Variants in PEG3 observed in about 807,000 individuals in gnomAD.
The protein encoded by PEG3 is paternally expressed 3, also known as paternally-expressed gene 3 protein.
Under a neutral mutation model 35.5 loss-of-function variants are expected in PEG3, and 23 were observed. The ratio of observed to expected loss-of-function variants is 0.65; its 90% CI spans 0.47 to 0.92. The LOEUF (loss-of-function observed/expected upper bound fraction) is 0.92. Among genes scored for constraint, PEG3 ranks in the 40% least tolerant of loss-of-function variants. The pLI is 0.00. For missense variants in PEG3, 1,960 were observed against 1,985.3 expected (o/e 0.99, Z 0.24); for synonymous variants, 707 against 697.0 (o/e 1.01, Z -0.23).
At chr19:56,828,199 C>T (rs1311566533) in intron 2 of PEG3, among the ~76,000 whole-genome samples, 7 of 152,072 alleles carry the variant, frequency 4.6e-5, no homozygotes. Context: ...TCACCATCCA[C>T]AGCTTGAATC....
At chr19:56,837,944 G>A (rs934926768) in intron 1 of PEG3, among the ~76,000 whole-genome samples, 5 of 152,198 alleles carry the variant, frequency 3.3e-5, no homozygotes, top group Non-Finnish European at 7.3e-5. Context: ...TTGAATGCCG[G>A]CTGCTCTATC....
intron 1 of PEG3, 24 bp from the exon 2 acceptor site, chr19:56,836,128 G>A (rs908063334): frequency 2.2e-6 from 1 of 456,150 alleles, no homozygotes; most frequent in Non-Finnish European, 4.4e-6. Context: ...GAAAATGTGA[G>A]ACGCCAAGTT....
chr19:56,818,161 C>G (rs2060153431), intron 8 of PEG3, among the ~76,000 whole-genome samples: 1 of 152,158 alleles, frequency 6.6e-6, no homozygotes, highest in Non-Finnish European at 1.5e-5. Flanking sequence ...TTCCTCTTAC[C>G]TCGCGACTGC....
rs920045936 is a variant in PEG3 at position 56,811,212 on chromosome 19, T to C, written c.*2463A>G. On this transcript the variant is annotated 3_prime_UTR_variant, in exon 10 of 10. Coordinates refer to ENST00000326441, the MANE Select transcript of PEG3 (RefSeq NM_006210.3). ...TTAGTAACACTACCATAAAGAACAT[T>C]CAAGAAATTTAAGAAAATAATGCTC... is the stretch of plus-strand genomic sequence containing the variant. The C allele has an allele frequency of 6.7e-5, 65 of 969,940 alleles. No individual in the cohort carries two copies. Among genetic ancestry groups the C allele is most frequent in the Admixed American group, 6.2e-5 (1 of 16,224 alleles). 60.1% of individuals were successfully genotyped at this position (969,940 alleles called of 1,614,324 possible). A position where few individuals can be genotyped will look rare whatever the true frequency, so the allele number is the denominator to read the frequency against.
At position 56,816,123 on chromosome 19, in the gene PEG3, T is replaced by C; in HGVS notation, c.2319A>G (p.Ser773=). The part of the protein sequence containing the change: ...PTKENVYEAK[S]YERSVIHSLA... ...AGCTATGAATAACAGACCTCTCATA[T>C]GATTTTGCCTCATAGACATTTTCCT... is the stretch of plus-strand genomic sequence containing the variant. The change falls in exon 10 of 10, where the codon TCA becomes TCG. Residue 773 remains serine, a synonymous_variant. Coordinates refer to ENST00000326441, the MANE Select transcript of PEG3 (RefSeq NM_006210.3). 1 of 1,613,268 alleles carries C rather than the reference T, an allele frequency of 6.2e-7. No individual in the cohort carries two copies. The highest frequency in any genetic ancestry group is 8.5e-7 in the Non-Finnish European group (1 of 1,179,490).
chr19:56,825,263 A>G (rs1380718988), intron 3 of PEG3, among the ~76,000 whole-genome samples: 3 of 152,242 alleles, frequency 2.0e-5, no homozygotes, highest in Non-Finnish European at 2.9e-5. Context: ...AGTATACAAC[A>G]TGTAAAAAAT....
At chr19:56,818,511 T>C in intron 8 of PEG3, 89 bp downstream of exon 8, 1 of 1,344,132 alleles carries the variant, frequency 7.4e-7, no homozygotes, top group Non-Finnish European at 1.1e-6. Flanking sequence ...TATATTAATG[T>C]GGACTCTAAC....
intron 2 of PEG3, chr19:56,833,268 C>G (rs2061752486): frequency 2.2e-6 from 1 of 459,906 alleles, no homozygotes; most frequent in Non-Finnish European, 4.4e-6. Context: ...CTAGATTCAG[C>G]CCCCTAACTC....
At chr19:56,837,158 A>T in intron 1 of PEG3, among the ~76,000 whole-genome samples, 1 of 152,208 alleles carries the variant, frequency 6.6e-6, no homozygotes, top group African/African-American at 2.4e-5. Context: ...GGCCACACCC[A>T]AACGAACTAA....
In PEG3 at chr19:56,811,734, A is replaced by C. The variant is rs906216540; in HGVS notation, c.*1941T>G. ...CTCAGCTTTCCCGATGTCCGTTCCAACCTCAGTCCTTCCTATGCAGCCAGC... is the reference window on the plus strand; with the variant it reads ...CTCAGCTTTCCCGATGTCCGTTCCACCCTCAGTCCTTCCTATGCAGCCAGC... On this transcript the variant is annotated 3_prime_UTR_variant, in exon 10 of 10. Transcript: ENST00000326441. The C allele has an allele frequency of 1.3e-5, 13 of 985,224 alleles. No homozygotes were observed. In the African/African-American group the frequency reaches 2.3e-4, roughly 17 times the overall value. The allele number at this position is 985,224 out of a possible 1,614,324, so 61.0% of individuals were successfully genotyped here.
chr19:56,821,394 A>G (rs910308658), intron 7 of PEG3, among the ~76,000 whole-genome samples: 1 of 152,136 alleles, frequency 6.6e-6, no homozygotes, highest in Non-Finnish European at 1.5e-5. Context: ...GGAACGGCCA[A>G]TGTGACCAAC....
At chr19:56,834,926 A>C (rs1254945149) in intron 2 of PEG3, among the ~76,000 whole-genome samples, 1 of 152,238 alleles carries the variant, frequency 6.6e-6, no homozygotes, top group Non-Finnish European at 1.5e-5. Context: ...GATCAGGCCC[A>C]GTATCAATGC....
intron 2 of PEG3, chr19:56,833,188 G>A (rs1401721943): frequency 1.9e-6 from 1 of 516,440 alleles, no homozygotes; most frequent in Non-Finnish European, 3.9e-6. Flanking sequence ...ATCTGATGCA[G>A]GAGAAAATCC....
chr19:56,839,241 C>T (rs1359327477), intron 1 of PEG3, among the ~76,000 whole-genome samples: 4 of 149,436 alleles, frequency 2.7e-5, no homozygotes, highest in Non-Finnish European at 6.0e-5. Context: ...AGCACCTGCG[C>T]AGCAAACTCC....
In PEG3 at chr19:56,817,178, T is replaced by A. The variant is rs2060055681; in HGVS notation, c.1264A>T (p.Met422Leu). The change falls in exon 10 of 10, where the codon ATG (methionine) becomes TTG (leucine). Residue 422 changes from methionine to leucine, a missense_variant. Coordinates refer to ENST00000326441, the MANE Select transcript of PEG3 (RefSeq NM_006210.3). The part of the protein sequence containing the change: ...RKKPFECGSE[M>L]RKAMSVSSLS... ...CTGCTCACGCTCATGGCTTTTCTCA[T>A]CTCACTACCACATTCAAAGGGCTTC... is the stretch of plus-strand genomic sequence containing the variant. 1 of 1,614,096 alleles carries A rather than the reference T, an allele frequency of 6.2e-7. No homozygotes were observed. Among genetic ancestry groups the A allele is most frequent in the Non-Finnish European group, 8.5e-7 (1 of 1,180,034 alleles).
rs772988435 is a variant in PEG3 at position 56,813,149 on chromosome 19, A to G, written c.*526T>C. ...AAATAATGCACAATAAATCTTTCTC[A>G]GGATCTAAGACACTTAAAAATATAA... On this transcript the variant is annotated 3_prime_UTR_variant, in exon 10 of 10. Transcript: ENST00000326441. 6.5e-5 allele frequency: 64 copies of G among 982,314 alleles called. No homozygotes were observed. Among genetic ancestry groups the G allele is most frequent in the Non-Finnish European group, 7.5e-5 (62 of 827,164 alleles). 60.8% of individuals were successfully genotyped at this position (982,314 alleles called of 1,614,324 possible). A position where few individuals can be genotyped will look rare whatever the true frequency, so the allele number is the denominator to read the frequency against.
chr19:56,810,104 T>C lies in PEG3; in HGVS notation c.*3571A>G. 1.1e-6 allele frequency: 1 copy of C among 923,690 alleles called. No homozygotes were observed. The highest frequency in any genetic ancestry group is 1.3e-6 in the Non-Finnish European group (1 of 773,650). 57.2% of individuals were successfully genotyped at this position (923,690 alleles called of 1,614,324 possible). ...ATATTTATTTTTAACTTTATTTTTA[T>C]TGTTGACACTATTACAGATAGAATG... On this transcript the variant is annotated 3_prime_UTR_variant, in exon 10 of 10. Coordinates refer to ENST00000326441, the MANE Select transcript of PEG3 (RefSeq NM_006210.3).
In PEG3 at chr19:56,813,948, A is replaced by T; in HGVS notation, c.4494T>A (p.Ile1498=). The T allele has an allele frequency of 6.2e-7, 1 of 1,614,092 alleles. No individual in the cohort carries two copies. Among genetic ancestry groups the T allele is most frequent in the Non-Finnish European group, 8.5e-7 (1 of 1,179,992 alleles). Residue 1498 remains isoleucine (I), a synonymous_variant, in exon 10 of 10, where the codon ATT becomes ATA. Coordinates refer to ENST00000326441, the MANE Select transcript of PEG3 (RefSeq NM_006210.3). ...EDPEEGEDQE[I]QVEEPYYDCH... Reference sequence around the variant, plus strand: ...AGTCATAGTATGGTTCTTCTACCTGAATCTCTTGATCTTCACCTTCTTCTG... The same window carrying T: ...AGTCATAGTATGGTTCTTCTACCTGTATCTCTTGATCTTCACCTTCTTCTG...
At chr19:56,822,714 C>CTA (rs1475474489) in intron 6 of PEG3, 39 bp downstream of exon 6, 1 of 1,610,342 alleles carries the variant, frequency 6.2e-7, no homozygotes, top group Non-Finnish European at 8.5e-7. Context: ...AGCACATGCT[C>CTA]TATATCTCCT....
Sources: allele counts gnomAD v4.1 joint callset (sites outside exome capture counted in the v4.1 genomes callset), GRCh38; gene constraint gnomAD v4.1.1; transcripts MANE v1.5; gene names NCBI Gene and HGNC (gene_info 2026-07-23, HGNC 2026-07-21).